The following LIPG variants were observed in gnomAD, a reference collection of about 807,000 sequenced individuals.
LIPG encodes the protein lipase G, endothelial type.
In LIPG, 34 loss-of-function variants were observed where a neutral mutation model predicts 51.8. That is an observed-to-expected ratio of 0.66 (90% CI 0.50 to 0.87). The LOEUF (loss-of-function observed/expected upper bound fraction) is 0.87, where lower values mean the gene tolerates loss of function less well. Ranked by LOEUF, LIPG falls within the 40% of genes least tolerant of loss-of-function variation. LIPG has a pLI of 0.00. For missense variants in LIPG, 580 were observed against 652.7 expected (o/e 0.89, Z 1.21); for synonymous variants, 246 against 246.1 (o/e 1.00, Z 0.00).
At chr18:49,569,390 C>T (rs767844384) in intron 3 of LIPG, 47 bp from the exon 4 acceptor site, 17 of 1,499,044 alleles carry the variant, frequency 1.1e-5, no homozygotes, top group Non-Finnish European at 1.9e-6. Context: ...ATTCTGGGGG[C>T]TCTGGACCCT....
intron 9 of LIPG, among the ~76,000 whole-genome samples, chr18:49,588,616 T>C (rs1031520730): frequency 6.6e-6 from 1 of 152,048 alleles, no homozygotes; most frequent in Admixed American, 6.6e-5. Flanking sequence ...CTTCCCCTTT[T>C]TGGGAAACAG....
At position 49,562,230 on chromosome 18, in the gene LIPG, C is replaced by T. The variant is rs549412198; in HGVS notation, c.-79C>T. The T allele has an allele frequency of 6.2e-6, 10 of 1,609,060 alleles. No homozygotes were observed. In the African/African-American group the frequency reaches 8.0e-5, roughly 13 times the overall value. ...TGGCCGAGAGAAGGGTCTTACCGGC[C>T]GGGATTGCTGGAAACACCAAGAGGT... On this transcript the variant is annotated 5_prime_UTR_variant, in exon 1 of 10. Transcript: ENST00000261292.
intron 4 of LIPG, among the ~76,000 whole-genome samples, chr18:49,573,236 G>A (rs2084681251): frequency 6.6e-6 from 1 of 152,208 alleles, no homozygotes; most frequent in Admixed American, 6.5e-5. Context: ...TTTCCTCCAG[G>A]GGACATGGTG....
rs1487162943 is a variant in LIPG at position 49,577,591 on chromosome 18, C to T, written c.793+2001C>T. Among the ~76,000 whole-genome samples, 18 of 148,406 alleles carry T rather than the reference C, an allele frequency of 1.2e-4. 1 individual carries two copies. Among genetic ancestry groups the T allele is most frequent in the African/African-American group, 4.3e-4 (17 of 39,108 alleles). ...GGGGCTCCTCACTTCCCAGTAGGGG[C>T]GGCCGGGCAGAGGCACCCCTCACCT... On this transcript the variant is annotated intron_variant, in intron 5 of 9. Transcript: ENST00000261292.
In LIPG at chr18:49,582,493, C is replaced by T. The variant is rs1342054673; in HGVS notation, c.1157+11C>T. 3.1e-6 allele frequency: 5 copies of T among 1,614,044 alleles called. No individual in the cohort carries two copies. Among genetic ancestry groups the T allele is most frequent in the Non-Finnish European group, 4.2e-6 (5 of 1,180,032 alleles). ...TCTGCCACTGGAAATGTAAGTCATC[C>T]GTTTCCCTTGCTGGGTTCGGGACAG... is the stretch of plus-strand genomic sequence containing the variant. On this transcript the variant is annotated intron_variant, in intron 7 of 9. Transcript: ENST00000261292.
In LIPG at chr18:49,580,385, C is replaced by T. The variant is rs76448712; in HGVS notation, c.794-1030C>T. Among the ~76,000 whole-genome samples, 18 of 152,194 alleles carry T rather than the reference C, an allele frequency of 1.2e-4. No homozygotes were observed. The South Asian group carries it at 2.3e-3, about 19-fold the overall frequency. On this transcript the variant is annotated intron_variant, in intron 5 of 9. Transcript: ENST00000261292. ...AGTAAATGTTTTAGGTTTTGTGGGC[C>T]GTATTGCCTCTGTTCCAACTCTGCT...
intron 5 of LIPG, among the ~76,000 whole-genome samples, chr18:49,578,911 C>T (rs1258716912): frequency 4.8e-5 from 7 of 146,434 alleles, no homozygotes; most frequent in African/African-American, 1.0e-4. Flanking sequence ...ACTCGGCAGG[C>T]TGAGGCAGGA....
At chr18:49,590,041 G>A (rs1834271138) in intron 9 of LIPG, 1 of 294,920 alleles carries the variant, frequency 3.4e-6, no homozygotes. Context: ...TGTTCACATA[G>A]CTGAGACTAG....
intron 4 of LIPG, among the ~76,000 whole-genome samples, chr18:49,572,203 C>G (rs1373304302): frequency 6.6e-6 from 1 of 152,054 alleles, no homozygotes; most frequent in Non-Finnish European, 1.5e-5. Flanking sequence ...GCCTGTAATC[C>G]CAGCTACTCA....
At chr18:49,570,205 TG>T (rs761937492) in intron 4 of LIPG, among the ~76,000 whole-genome samples, 19 of 152,236 alleles carry the variant, frequency 1.2e-4, no homozygotes, top group Non-Finnish European at 2.5e-4. Flanking sequence ...TTTCTGATAT[TG>T]GTCCCCAGGG....
rs2084885021 is a variant in LIPG, at chr18:49,586,816, T to C, written c.1447T>C (p.Cys483Arg). 5 of 1,614,068 alleles carry C rather than the reference T, an allele frequency of 3.1e-6. No homozygotes were observed. Among genetic ancestry groups the C allele is most frequent in the Non-Finnish European group, 4.2e-6 (5 of 1,179,988 alleles). Residue 483 changes from cysteine to arginine, a missense_variant, in exon 9 of 10, where the codon TGT becomes CGT. By Grantham distance (180) the Cys-to-Arg change is radical. Transcript: ENST00000261292. ...AGGCCGGGAGCTCTGGTTTCGCAAG[T>C]GTCGGGATGGCTGGAGGATGAAAAA... is the stretch of plus-strand genomic sequence containing the variant. ...SPGRELWFRK[C>R]RDGWRMKNET...
rs771743337 is a variant in LIPG at position 49,586,849 on chromosome 18, A to G, written c.1480A>G (p.Ser494Gly). The change falls in exon 9 of 10, where the codon AGT becomes GGT. Residue 494 changes from serine to glycine, a missense_variant and splice_region_variant. By Grantham distance (56) the Ser-to-Gly change is moderately conservative. Transcript: ENST00000261292. ...RDGWRMKNET[S>G]PTVELP ...TGGCTGGAGGATGAAAAACGAAACC[A>G]GGTAACCAGGACTTTCTCACACGTT... 1.2e-6 allele frequency: 2 copies of G among 1,611,668 alleles called. No individual in the cohort carries two copies. The highest frequency in any genetic ancestry group is 1.7e-6 in the Non-Finnish European group (2 of 1,177,722).
Position 49,583,091 on chromosome 18 carries a change from G to C in LIPG, c.1158-465G>C, listed in dbSNP as rs777662787. ...CAGACAGGAAGAGGCTAGGAGTTTG[G>C]GGGAGACAGATGCCTGTCTGTGGGA... On this transcript the variant is annotated intron_variant, in intron 7 of 9. Transcript: ENST00000261292. 5.2e-4 allele frequency among the ~76,000 whole-genome samples: 79 copies of C among 152,296 alleles called. 1 individual carries two copies. The highest frequency in any genetic ancestry group is 2.2e-3 in the Admixed American group (34 of 15,290).
At position 49,581,770 on chromosome 18, in the gene LIPG, A is replaced by C; in HGVS notation, c.1036+113A>C. 3.0e-6 allele frequency: 4 copies of C among 1,336,066 alleles called. No individual in the cohort carries two copies. In the South Asian group the frequency reaches 4.7e-5, roughly 16 times the overall value. 82.8% of individuals were successfully genotyped at this position (1,336,066 alleles called of 1,614,324 possible). A position where few individuals can be genotyped will look rare whatever the true frequency, so the allele number is the denominator to read the frequency against. On this transcript the variant is annotated intron_variant, in intron 6 of 9. Transcript: ENST00000261292. ...CCAGGAGAAGTGGCCAGCACAATCC[A>C]ATCAAATCGTTGCAAATCAGATTAC...
intron 1 of LIPG, among the ~76,000 whole-genome samples, chr18:49,563,427 CA>C (rs1169888753): frequency 6.6e-6 from 1 of 151,948 alleles, no homozygotes; most frequent in East Asian, 1.9e-4. Context: ...TCCTTCATTG[CA>C]AAAAGTATTT....
chr18:49,581,303 T>A lies in LIPG; in HGVS notation c.794-112T>A, dbSNP rs760754666. On this transcript the variant is annotated intron_variant, in intron 5 of 9. Transcript: ENST00000261292. The stretch of plus-strand genomic sequence containing the variant: ...AAGCAAAAGAATTACATGAAAATAC[T>A]AACAGCAACAATAAACAGCTATCAC... The A allele has an allele frequency of 9.0e-6, 13 of 1,440,232 alleles. No homozygotes were observed. The African/African-American group carries it at 1.5e-4, about 17-fold the overall frequency. The allele number at this position is 1,440,232 out of a possible 1,614,324, so 89.2% of individuals were successfully genotyped here. A position where few individuals can be genotyped will look rare whatever the true frequency, so the allele number is the denominator to read the frequency against.
rs114321182 is a variant in LIPG, at chr18:49,564,996, C to T, written c.98-321C>T. ...AGCATTTCAGAAAAAGAACTGAGAA[C>T]CTGTACTCTAAAAGTAGGAAGGAAG... is the stretch of plus-strand genomic sequence containing the variant. On this transcript the variant is annotated intron_variant, in intron 1 of 9. Transcript: ENST00000261292. Among the ~76,000 whole-genome samples the T allele has an allele frequency of 7.1e-3, 1,074 of 152,140 alleles. 10 individuals carry two copies. The highest frequency in any genetic ancestry group is 0.025 in the African/African-American group (1,043 of 41,482).
At chr18:49,572,960 A>C (rs894930684) in intron 4 of LIPG, among the ~76,000 whole-genome samples, 3 of 152,138 alleles carry the variant, frequency 2.0e-5, no homozygotes, top group Non-Finnish European at 4.4e-5. Context: ...CTAGTTAAAA[A>C]AGTTAAATGT....
chr18:49,563,113 A>G (rs1449581221), intron 1 of LIPG, among the ~76,000 whole-genome samples: 1 of 152,200 alleles, frequency 6.6e-6, no homozygotes, highest in Non-Finnish European at 1.5e-5. Flanking sequence ...TGGGGGAGTC[A>G]GAATCAGAGT....
Sources: allele counts gnomAD v4.1 joint callset (sites outside exome capture counted in the v4.1 genomes callset), GRCh38; gene constraint gnomAD v4.1.1; transcripts MANE v1.5; gene names NCBI Gene and HGNC (gene_info 2026-07-23, HGNC 2026-07-21).